The following LRP1B variants were observed in gnomAD, a reference collection of about 807,000 sequenced individuals.
The protein encoded by LRP1B is low-density lipoprotein receptor-related protein 1B.
Under a neutral mutation model 556.6 loss-of-function variants are expected in LRP1B, and 217 were observed. The ratio of observed to expected loss-of-function variants is 0.39; its 90% CI spans 0.35 to 0.44. LRP1B has a LOEUF of 0.44. Ranked by LOEUF, LRP1B falls within the 20% of genes least tolerant of loss-of-function variation. The pLI is 1.00. For missense variants in LRP1B, 5,053 were observed against 5,620.8 expected (o/e 0.90, Z 3.23); for synonymous variants, 2,047 against 1,865.8 (o/e 1.10, Z -2.50).
At chr2:141,817,038 AT>A (rs964637432) in intron 1 of LRP1B, among the ~76,000 whole-genome samples, 78 of 152,292 alleles carry the variant, frequency 5.1e-4, no homozygotes, top group African/African-American at 1.7e-3. Context: ...TAGGAGTCAA[AT>A]GAAAAAAAAT....
chr2:141,526,066 G>A (rs1574046089), intron 2 of LRP1B, among the ~76,000 whole-genome samples: 1 of 151,924 alleles, frequency 6.6e-6, no homozygotes. Flanking sequence ...TTATTCTAAA[G>A]TCATACAGTT....
rs151075015 is a variant in LRP1B, at chr2:141,106,070, C to T, written c.1014-43797G>A. Among the ~76,000 whole-genome samples the T allele has an allele frequency of 7.6e-3, 1,153 of 152,190 alleles. 16 individuals are homozygous for T. Among genetic ancestry groups the T allele is most frequent in the African/African-American group, 0.027 (1,105 of 41,542 alleles). ...AGTAAGTTTCTAAATGGGTATTTCA[C>T]CACTTTTAAAAAAATAAAACTCATG... On this transcript the variant is annotated intron_variant, in intron 7 of 90. Transcript: ENST00000389484.
At chr2:141,490,808 C>CTTCT (rs1257348580) in intron 2 of LRP1B, among the ~76,000 whole-genome samples, 1 of 151,974 alleles carries the variant, frequency 6.6e-6, no homozygotes, top group Non-Finnish European at 1.5e-5. Context: ...CTCCTTTATT[C>CTTCT]TTCTCCATGC....
At chr2:140,739,768 A>T (rs972062002) in intron 35 of LRP1B, among the ~76,000 whole-genome samples, 2 of 152,200 alleles carry the variant, frequency 1.3e-5, no homozygotes, top group African/African-American at 4.8e-5. Context: ...AATCTTCACA[A>T]TCTATACATC....
chr2:142,030,330 A>G (rs951717837), intron 1 of LRP1B, among the ~76,000 whole-genome samples: 5 of 152,002 alleles, frequency 3.3e-5, no homozygotes, highest in Admixed American at 6.6e-5. Flanking sequence ...ATATAAATTG[A>G]ATAACCACTG....
In LRP1B at chr2:141,284,554, C is replaced by A. The variant is rs542656359; in HGVS notation, c.344-29913G>T. Among the ~76,000 whole-genome samples, 3 of 152,268 alleles carry A rather than the reference C, an allele frequency of 2.0e-5. No homozygotes were observed. The South Asian group carries it at 6.2e-4, about 32-fold the overall frequency. ...AATTTTTGTTAGGAAAATTCCCACG[C>A]ACAAAGCGTAGTTAAAAGATTTCCT... On this transcript the variant is annotated intron_variant, in intron 3 of 90. Transcript: ENST00000389484.
intron 3 of LRP1B, among the ~76,000 whole-genome samples, chr2:141,334,161 G>A (rs1179971376): frequency 6.6e-6 from 1 of 152,152 alleles, no homozygotes; most frequent in East Asian, 1.9e-4. Flanking sequence ...GAATGATATG[G>A]TTTGGCTCTG....
At chr2:140,422,068 C>CA (rs2105267348) in intron 66 of LRP1B, among the ~76,000 whole-genome samples, 1 of 152,216 alleles carries the variant, frequency 6.6e-6, no homozygotes, top group African/African-American at 2.4e-5. Context: ...AGTACGGACA[C>CA]AAAAAATAAA....
intron 7 of LRP1B, among the ~76,000 whole-genome samples, chr2:141,119,886 C>T (rs1346683083): frequency 1.3e-5 from 2 of 151,730 alleles, no homozygotes; most frequent in African/African-American, 4.8e-5. Flanking sequence ...TTTCAACAAG[C>T]AAATGAGTCA....
At position 140,867,261 on chromosome 2, in the gene LRP1B, G is replaced by T. The variant is rs147937737; in HGVS notation, c.4579+329C>A. On this transcript the variant is annotated intron_variant, in intron 27 of 90. Coordinates refer to ENST00000389484, the MANE Select transcript of LRP1B (RefSeq NM_018557.3). ...TAAAATAGAGGAACTCAGGCAAATGGTTCACCCTTTCTCATGTACCACCCC... is the reference window on the plus strand; with the variant it reads ...TAAAATAGAGGAACTCAGGCAAATGTTTCACCCTTTCTCATGTACCACCCC... 7.9e-3 allele frequency among the ~76,000 whole-genome samples: 1,203 copies of T among 152,062 alleles called. 11 individuals carry two copies. Among genetic ancestry groups the T allele is most frequent in the African/African-American group, 0.028 (1,159 of 41,478 alleles).
intron 1 of LRP1B, among the ~76,000 whole-genome samples, chr2:142,067,873 A>G (rs1260831319): frequency 6.6e-6 from 1 of 151,610 alleles, no homozygotes; most frequent in African/African-American, 2.4e-5. Flanking sequence ...TTATTTTCCC[A>G]CTAGTTCTAA....
chr2:140,577,699 G>A (rs1337430882), intron 43 of LRP1B, among the ~76,000 whole-genome samples: 2 of 152,018 alleles, frequency 1.3e-5, no homozygotes, highest in Non-Finnish European at 1.5e-5. Context: ...GCTGAGATAT[G>A]GACATGAGCC....
rs1470320110 is a variant in LRP1B at position 141,154,081 on chromosome 2, C to T, written c.1013+34340G>A. Reference sequence around the variant, plus strand: ...TATGTTAGATATGAGATGCCCTGGGCATATAAACTGATGGTATTATTTATT... The same window carrying T: ...TATGTTAGATATGAGATGCCCTGGGTATATAAACTGATGGTATTATTTATT... On this transcript the variant is annotated intron_variant, in intron 7 of 90. Transcript: ENST00000389484. 4.0e-5 allele frequency among the ~76,000 whole-genome samples: 6 copies of T among 151,872 alleles called. No individual in the cohort carries two copies. The East Asian group carries it at 1.2e-3, about 29-fold the overall frequency.
At chr2:141,426,720 G>A (rs1486495795) in intron 3 of LRP1B, among the ~76,000 whole-genome samples, 1 of 152,050 alleles carries the variant, frequency 6.6e-6, no homozygotes, top group Non-Finnish European at 1.5e-5. Flanking sequence ...TTTTTTATTT[G>A]TTATTTATTT....
intron 76 of LRP1B, 56 bp downstream of exon 76, chr2:140,352,897 A>G (rs1682037224): frequency 6.6e-7 from 1 of 1,520,384 alleles, no homozygotes; most frequent in Non-Finnish European, 8.9e-7. Flanking sequence ...ATTTTTCTCC[A>G]TAAAATGTTT....
At chr2:140,674,960 G>A (rs1685619044) in intron 41 of LRP1B, among the ~76,000 whole-genome samples, 1 of 152,228 alleles carries the variant, frequency 6.6e-6, no homozygotes, top group Non-Finnish European at 1.5e-5. Context: ...TGTCAGCAGA[G>A]CTGCTTCCTT....
At chr2:140,886,843 C>A (rs191635940) in intron 23 of LRP1B, among the ~76,000 whole-genome samples, 1 of 152,160 alleles carries the variant, frequency 6.6e-6, no homozygotes, top group East Asian at 1.9e-4. Context: ...GACAAGATGG[C>A]GGCTTCCTGC....
intron 1 of LRP1B, among the ~76,000 whole-genome samples, chr2:141,952,853 C>A (rs1701145551): frequency 6.6e-6 from 1 of 152,048 alleles, no homozygotes; most frequent in Admixed American, 6.6e-5. Context: ...TTTTATGTTT[C>A]AATGAAAGCC....
intron 43 of LRP1B, among the ~76,000 whole-genome samples, chr2:140,559,545 A>G (rs1044806497): frequency 6.6e-6 from 1 of 152,166 alleles, no homozygotes; most frequent in Non-Finnish European, 1.5e-5. Context: ...TGCAGAAAAA[A>G]GTCCAGTGCC....
Sources: gnomAD v4.1 joint callset for allele counts (sites outside exome capture counted in the v4.1 genomes callset) on GRCh38, gnomAD v4.1.1 for gene constraint, MANE v1.5 for transcripts, NCBI Gene and HGNC (gene_info 2026-07-23, HGNC 2026-07-21) for gene names.